The following DIRAS2 variants were observed in gnomAD, a reference collection of about 807,000 sequenced individuals.
DIRAS2 encodes the protein GTP-binding protein Di-Ras2.
In DIRAS2, 5 loss-of-function variants were observed where a neutral mutation model predicts 13.9. The observed-to-expected ratio is 0.36, with a 90% CI of 0.19 to 0.76. The LOEUF is 0.76. Ranked by LOEUF, DIRAS2 falls within the 30% of genes least tolerant of loss-of-function variation. The pLI is 0.53. For missense variants in DIRAS2, 191 were observed against 263.0 expected, an observed-to-expected ratio of 0.73 and a Z score of 1.89; for synonymous variants, 111 against 105.4, an observed-to-expected ratio of 1.05 and a Z score of -0.33.
intron 1 of DIRAS2, among the ~76,000 whole-genome samples, chr9:90,617,975 T>G (rs1825184698): frequency 6.6e-6 from 1 of 152,204 alleles, no homozygotes; most frequent in Non-Finnish European, 1.5e-5. Context: ...CTTTTACTGC[T>G]AAGATAGCAG....
chr9:90,630,607 CA>C (rs1378774766), intron 1 of DIRAS2, among the ~76,000 whole-genome samples: 1 of 152,144 alleles, frequency 6.6e-6, no homozygotes, highest in Non-Finnish European at 1.5e-5. Context: ...TTCTATCACA[CA>C]ATGGTTTGCT....
Position 90,631,862 on chromosome 9 carries a change from C to T in DIRAS2, c.-37+10890G>A, listed in dbSNP as rs752085016. Among the ~76,000 whole-genome samples the T allele has an allele frequency of 2.5e-4, 38 of 152,148 alleles. 1 individual carries two copies. The highest frequency in any genetic ancestry group is 3.1e-4 in the Non-Finnish European group (21 of 68,022). ...GCAAGTCTAAACACCCTGTAACACC[C>T]GAAACTGCTCCCCTATAGTTTTCTT... On this transcript the variant is annotated intron_variant, in intron 1 of 1. Coordinates refer to ENST00000375765, the MANE Select transcript of DIRAS2 (RefSeq NM_017594.5).
At chr9:90,619,359 C>T (rs1406700310) in intron 1 of DIRAS2, among the ~76,000 whole-genome samples, 1 of 152,170 alleles carries the variant, frequency 6.6e-6, no homozygotes, top group African/African-American at 2.4e-5. Context: ...AGGAGAATCA[C>T]TTGAACCCAG....
At chr9:90,631,473 G>T (rs1385293141) in intron 1 of DIRAS2, among the ~76,000 whole-genome samples, 1 of 152,190 alleles carries the variant, frequency 6.6e-6, no homozygotes, top group Non-Finnish European at 1.5e-5. Context: ...CCCTTTGAGG[G>T]CCTGCAGGCC....
intron 1 of DIRAS2, among the ~76,000 whole-genome samples, chr9:90,628,420 T>C (rs1197428375): frequency 6.6e-6 from 1 of 152,228 alleles, no homozygotes; most frequent in Non-Finnish European, 1.5e-5. Flanking sequence ...TGTGATCATC[T>C]TGCCATTTCA....
intron 1 of DIRAS2, among the ~76,000 whole-genome samples, chr9:90,616,863 C>T (rs562685234): frequency 3.9e-5 from 6 of 152,212 alleles, no homozygotes; most frequent in African/African-American, 1.4e-4. Flanking sequence ...CAACAGCACT[C>T]ACAGCATTAG....
intron 1 of DIRAS2, among the ~76,000 whole-genome samples, chr9:90,619,074 G>T (rs1056272725): frequency 6.6e-6 from 1 of 152,176 alleles, no homozygotes; most frequent in Non-Finnish European, 1.5e-5. Context: ...GGGGGGCAGA[G>T]GTTGCAGTGA....
At chr9:90,633,735 T>C (rs1004994742) in intron 1 of DIRAS2, among the ~76,000 whole-genome samples, 3 of 152,176 alleles carry the variant, frequency 2.0e-5, no homozygotes, top group South Asian at 2.1e-4. Context: ...TGAAGTCAAA[T>C]GAGAACTGGC....
chr9:90,640,103 AT>A (rs1318884691), intron 1 of DIRAS2, among the ~76,000 whole-genome samples: 1 of 152,202 alleles, frequency 6.6e-6, no homozygotes, highest in Non-Finnish European at 1.5e-5. Context: ...CTAAATGGTC[AT>A]TTTTTATATG....
chr9:90,637,709 C>T (rs1037638841), intron 1 of DIRAS2, among the ~76,000 whole-genome samples: 7 of 152,136 alleles, frequency 4.6e-5, no homozygotes, highest in Non-Finnish European at 1.0e-4. Flanking sequence ...TGTTCTTGTT[C>T]TTTGCTCGGT....
rs1825141444 is a variant in DIRAS2, at chr9:90,613,899, A to G, written c.-36-36T>C. ...AACCAGATGTTTGAAAGAATTAATA[A>G]TTAAAATATAAAAACATTAATAAGG... On this transcript the variant is annotated intron_variant, in intron 1 of 1. Coordinates refer to ENST00000375765, the MANE Select transcript of DIRAS2 (RefSeq NM_017594.5). The surrounding 1 kb of genome is among the most constrained non-coding windows in gnomAD (Gnocchi z 5.6). 1.3e-6 allele frequency: 2 copies of G among 1,504,494 alleles called. No homozygotes were observed. The highest frequency in any genetic ancestry group is 1.8e-6 in the Non-Finnish European group (2 of 1,124,998). 93.2% of individuals were successfully genotyped at this position (1,504,494 alleles called of 1,614,324 possible). A position where few individuals can be genotyped will look rare whatever the true frequency, so the allele number is the denominator to read the frequency against.
chr9:90,622,745 G>A (rs1366990180), intron 1 of DIRAS2, among the ~76,000 whole-genome samples: 3 of 152,060 alleles, frequency 2.0e-5, no homozygotes, highest in Non-Finnish European at 4.4e-5. Flanking sequence ...AGAAATTTGT[G>A]TTTTTCCTTT....
intron 1 of DIRAS2, among the ~76,000 whole-genome samples, chr9:90,630,889 G>T (rs1477110877): frequency 6.6e-6 from 1 of 152,160 alleles, no homozygotes; most frequent in East Asian, 1.9e-4. Context: ...ATATAAAAAT[G>T]ATTCCACCCT....
chr9:90,642,333 A>T (rs1049934785), intron 1 of DIRAS2, among the ~76,000 whole-genome samples: 6 of 152,226 alleles, frequency 3.9e-5, no homozygotes, highest in Admixed American at 6.5e-5. Context: ...GAAGGAGTCG[A>T]GGATGAAAGC....
intron 1 of DIRAS2, among the ~76,000 whole-genome samples, chr9:90,614,319 TG>T (rs1449858271): frequency 6.7e-6 from 1 of 149,932 alleles, no homozygotes; most frequent in East Asian, 1.9e-4. Context: ...TGTGTGTGTG[TG>T]TGTGTGTGTG....
At chr9:90,626,698 A>G (rs1564020903) in intron 1 of DIRAS2, among the ~76,000 whole-genome samples, 1 of 152,212 alleles carries the variant, frequency 6.6e-6, no homozygotes, top group African/African-American at 2.4e-5. Context: ...AAAATGGTAC[A>G]AAATCTGCGG....
chr9:90,637,103 G>C (rs1825378545), intron 1 of DIRAS2, among the ~76,000 whole-genome samples: 2 of 152,164 alleles, frequency 1.3e-5, no homozygotes, highest in South Asian at 4.1e-4. Context: ...ATATATCACT[G>C]CATATCACCA....
At chr9:90,640,545 G>A (rs1470854928) in intron 1 of DIRAS2, among the ~76,000 whole-genome samples, 1 of 152,172 alleles carries the variant, frequency 6.6e-6, no homozygotes, top group Non-Finnish European at 1.5e-5. Context: ...CCTTTTGATT[G>A]AGCAGCTGTT....
At chr9:90,634,361 C>T (rs569674198) in intron 1 of DIRAS2, among the ~76,000 whole-genome samples, 7 of 152,238 alleles carry the variant, frequency 4.6e-5, no homozygotes, top group Admixed American at 1.3e-4. Context: ...AATTTATTTG[C>T]GTCTGCTCCA....
Sources: gnomAD v4.1 joint callset for allele counts (sites outside exome capture counted in the v4.1 genomes callset) on GRCh38, gnomAD v4.1.1 for gene constraint, Gnocchi (gnomAD v3.1) non-coding constraint, MANE v1.5 for transcripts, NCBI Gene and HGNC (gene_info 2026-07-23, HGNC 2026-07-21) for gene names.